TTC29: variants seen among roughly 807,000 people sequenced by gnomAD.
TTC29 encodes the protein tetratricopeptide repeat domain 29.
TTC29 carries 49 observed loss-of-function variants against 58.1 expected under a neutral mutation model. The ratio of observed to expected loss-of-function variants is 0.84; its 90% CI spans 0.67 to 1.07. The LOEUF (loss-of-function observed/expected upper bound fraction) is 1.07, where lower values mean the gene tolerates loss of function less well. Ranked by LOEUF, TTC29 falls within the 50% of genes least tolerant of loss-of-function variation. The pLI is 0.00. For synonymous variants in TTC29, 209 were observed against 196.8 expected, an observed-to-expected ratio of 1.06 and a Z score of -0.52; for missense variants, 582 against 555.6, an observed-to-expected ratio of 1.05 and a Z score of -0.48.
At chr4:146,936,947 C>T (rs1411447002) in intron 4 of TTC29, among the ~76,000 whole-genome samples, 1 of 151,954 alleles carries the variant, frequency 6.6e-6, no homozygotes, top group Non-Finnish European at 1.5e-5. Flanking sequence ...GATAACAGAG[C>T]CACTAAGTAT....
At chr4:146,928,833 T>C (rs968209516) in intron 4 of TTC29, among the ~76,000 whole-genome samples, 5 of 152,174 alleles carry the variant, frequency 3.3e-5, no homozygotes, top group African/African-American at 1.2e-4. Flanking sequence ...CAGCCTTGAG[T>C]GATCCTTTTA....
intron 11 of TTC29, among the ~76,000 whole-genome samples, chr4:146,756,041 G>A (rs893306872): frequency 3.3e-5 from 5 of 152,214 alleles, no homozygotes; most frequent in Middle Eastern, 6.8e-3. Context: ...TCGGGAGGCC[G>A]AGGCAGGTGG....
chr4:146,772,102 T>C (rs72956298), intron 11 of TTC29, among the ~76,000 whole-genome samples: 134 of 152,208 alleles, frequency 8.8e-4, no homozygotes, highest in African/African-American at 3.2e-3. Context: ...GGGTTGTTTG[T>C]TTTCTGCTTG....
At chr4:146,908,458 T>C (rs1050119214) in intron 5 of TTC29, among the ~76,000 whole-genome samples, 5 of 152,140 alleles carry the variant, frequency 3.3e-5, no homozygotes, top group Non-Finnish European at 5.9e-5. Context: ...AATTTTGAAA[T>C]ACAAAAAATG....
intron 10 of TTC29, among the ~76,000 whole-genome samples, chr4:146,816,342 T>G (rs1233156366): frequency 6.6e-6 from 1 of 152,164 alleles, no homozygotes; most frequent in Non-Finnish European, 1.5e-5. Context: ...TTGTCTGTTT[T>G]CACCACTGTA....
At chr4:146,817,217 A>G (rs1751472259) in intron 10 of TTC29, among the ~76,000 whole-genome samples, 7 of 152,256 alleles carry the variant, frequency 4.6e-5, no homozygotes, top group Admixed American at 4.6e-4. Flanking sequence ...TTAAGCTGAT[A>G]AGCAACTTCA....
chr4:146,713,367 T>C (rs1049948361), intron 11 of TTC29, among the ~76,000 whole-genome samples: 3 of 152,018 alleles, frequency 2.0e-5, no homozygotes, highest in African/African-American at 7.2e-5. Context: ...CTTACAGTTT[T>C]GTAAAAAATT....
chr4:146,803,153 C>A (rs1372076456), intron 11 of TTC29, among the ~76,000 whole-genome samples: 1 of 151,998 alleles, frequency 6.6e-6, no homozygotes, highest in African/African-American at 2.4e-5. Context: ...AAGCTTATTT[C>A]ACATTCCTTA....
intron 11 of TTC29, among the ~76,000 whole-genome samples, chr4:146,714,235 T>C (rs1463578536): frequency 2.0e-5 from 3 of 152,134 alleles, no homozygotes; most frequent in Admixed American, 1.3e-4. Context: ...AGAACAGACA[T>C]AGTTATTAGA....
intron 10 of TTC29, among the ~76,000 whole-genome samples, chr4:146,810,063 C>T (rs997325218): frequency 5.9e-5 from 9 of 152,148 alleles, no homozygotes; most frequent in African/African-American, 2.2e-4. Flanking sequence ...GACATATACA[C>T]CATGGAATAC....
intron 11 of TTC29, among the ~76,000 whole-genome samples, chr4:146,767,749 C>T (rs1279747168): frequency 6.6e-6 from 1 of 152,010 alleles, no homozygotes; most frequent in Non-Finnish European, 1.5e-5. Context: ...AGTATTTGTT[C>T]TACTTCACAG....
chr4:146,801,916 T>C (rs911251105), intron 11 of TTC29, among the ~76,000 whole-genome samples: 6 of 131,802 alleles, frequency 4.6e-5, no homozygotes, highest in African/African-American at 1.7e-4. Flanking sequence ...GAGGCAGAGC[T>C]TGCAGTGAGC....
intron 9 of TTC29, 130 bp downstream of exon 9, chr4:146,833,676 G>A (rs1044138302): frequency 1.4e-6 from 1 of 699,928 alleles, no homozygotes; most frequent in South Asian, 1.5e-5. Flanking sequence ...ATGATGAAAG[G>A]GTCACTTAAG....
intron 7 of TTC29, among the ~76,000 whole-genome samples, chr4:146,870,545 C>CA (rs1293324834): frequency 3.3e-5 from 5 of 151,460 alleles, no homozygotes; most frequent in South Asian, 4.2e-4. Flanking sequence ...ATCAACAAAA[C>CA]AAAAAATGAT....
chr4:146,778,041 G>A (rs1448728270), intron 11 of TTC29, among the ~76,000 whole-genome samples: 2 of 152,108 alleles, frequency 1.3e-5, no homozygotes, highest in African/African-American at 2.4e-5. Flanking sequence ...GTCAAGTGTT[G>A]GCCACAATGA....
chr4:146,918,635 C>G (rs1734389360), intron 4 of TTC29, among the ~76,000 whole-genome samples: 2 of 151,198 alleles, frequency 1.3e-5, no homozygotes, highest in South Asian at 4.1e-4. Flanking sequence ...TAGTACAGGA[C>G]TATAATCTTT....
intron 10 of TTC29, among the ~76,000 whole-genome samples, chr4:146,811,688 A>G (rs1751035040): frequency 6.6e-6 from 1 of 152,244 alleles, no homozygotes. Context: ...CATTACAGCA[A>G]GTAGAGGTAA....
chr4:146,810,493 A>G (rs1750941181), intron 10 of TTC29, among the ~76,000 whole-genome samples: 1 of 152,044 alleles, frequency 6.6e-6, no homozygotes, highest in African/African-American at 2.4e-5. Flanking sequence ...GTAAAAAGAA[A>G]TTTGGGAATG....
At chr4:146,742,246 C>A (rs1745206182) in intron 11 of TTC29, among the ~76,000 whole-genome samples, 1 of 152,198 alleles carries the variant, frequency 6.6e-6, no homozygotes, top group African/African-American at 2.4e-5. Flanking sequence ...TGGTCACAGT[C>A]TGACTTCCAG....
Sources: allele counts gnomAD v4.1 joint callset (sites outside exome capture counted in the v4.1 genomes callset), GRCh38; gene constraint gnomAD v4.1.1; transcripts MANE v1.5; gene names NCBI Gene and HGNC (gene_info 2026-07-23, HGNC 2026-07-21).